PARD3B: variants seen among roughly 807,000 people sequenced by gnomAD.
PARD3B encodes the protein partitioning defective 3 homolog B.
A neutral mutation model predicts 130.2 loss-of-function variants in PARD3B; 103 were observed. The ratio of observed to expected loss-of-function variants is 0.79; its 90% CI spans 0.67 to 0.93. PARD3B has a LOEUF of 0.93. Ranked by LOEUF, PARD3B falls within the 40% of genes least tolerant of loss-of-function variation. PARD3B has a pLI of 0.00. For missense variants in PARD3B, 1,609 were observed against 1,499.2 expected, an observed-to-expected ratio of 1.07 and a Z score of -1.21; for synonymous variants, 583 against 553.2, an observed-to-expected ratio of 1.05 and a Z score of -0.76.
At chr2:205,375,803 G>C (rs569540483) in intron 18 of PARD3B, among the ~76,000 whole-genome samples, 1 of 152,202 alleles carries the variant, frequency 6.6e-6, no homozygotes, top group Non-Finnish European at 1.5e-5. Flanking sequence ...GACTAGAGGA[G>C]AGGTCTTATT....
At chr2:204,722,177 G>T (rs960878089) in intron 2 of PARD3B, among the ~76,000 whole-genome samples, 1 of 152,092 alleles carries the variant, frequency 6.6e-6, no homozygotes, top group African/African-American at 2.4e-5. Context: ...AAAAGAGATT[G>T]AAATAAACTT....
intron 18 of PARD3B, among the ~76,000 whole-genome samples, chr2:205,361,884 C>A (rs1341460464): frequency 6.6e-6 from 1 of 152,130 alleles, no homozygotes; most frequent in Admixed American, 6.5e-5. Flanking sequence ...CCCCACTCAT[C>A]TTCTCCACCC....
intron 11 of PARD3B, among the ~76,000 whole-genome samples, chr2:205,166,402 G>T (rs900498184): frequency 1.3e-5 from 2 of 152,122 alleles, no homozygotes; most frequent in African/African-American, 4.8e-5. Context: ...AAGAATATGG[G>T]CAAAGTCACC....
At chr2:205,501,556 A>G (rs1412044453) in intron 21 of PARD3B, among the ~76,000 whole-genome samples, 1 of 152,240 alleles carries the variant, frequency 6.6e-6, no homozygotes, top group Non-Finnish European at 1.5e-5. Flanking sequence ...CGATAAGCCA[A>G]ACAAGCAATA....
intron 21 of PARD3B, among the ~76,000 whole-genome samples, chr2:205,521,484 T>TAAAC (rs923553794): frequency 6.6e-6 from 1 of 152,060 alleles, no homozygotes. Context: ...TATTTTTGTG[T>TAAAC]AAACAAACCT....
At chr2:205,494,141 G>T (rs565387653) in intron 20 of PARD3B, among the ~76,000 whole-genome samples, 1 of 152,186 alleles carries the variant, frequency 6.6e-6, no homozygotes, top group Admixed American at 6.5e-5. Context: ...CTCACCAAAG[G>T]CCAACACCTC....
chr2:204,983,184 A>C (rs899505037), intron 3 of PARD3B, among the ~76,000 whole-genome samples: 3 of 152,090 alleles, frequency 2.0e-5, no homozygotes, highest in Non-Finnish European at 4.4e-5. Context: ...GGGTTGTCCA[A>C]CTGGTAATTG....
intron 2 of PARD3B, among the ~76,000 whole-genome samples, chr2:204,898,198 G>A (rs1300402080): frequency 6.7e-6 from 1 of 149,224 alleles, no homozygotes; most frequent in African/African-American, 2.5e-5. Flanking sequence ...TTTAATTTTT[G>A]TGGTTACATA....
chr2:204,916,125 T>G (rs1187384844), intron 2 of PARD3B, among the ~76,000 whole-genome samples: 1 of 152,210 alleles, frequency 6.6e-6, no homozygotes, highest in Non-Finnish European at 1.5e-5. Flanking sequence ...GAATAACTGT[T>G]GACAGGAAAG....
At chr2:205,474,783 A>T (rs1240836828) in intron 20 of PARD3B, among the ~76,000 whole-genome samples, 7 of 152,132 alleles carry the variant, frequency 4.6e-5, no homozygotes, top group Non-Finnish European at 7.4e-5. Context: ...ATTTCACCCC[A>T]TTCCTGACAA....
chr2:204,559,671 A>G (rs2031176350), intron 1 of PARD3B, among the ~76,000 whole-genome samples: 1 of 152,262 alleles, frequency 6.6e-6, no homozygotes, highest in South Asian at 2.1e-4. Context: ...CATTTGACCC[A>G]GCAGTCCCAT....
chr2:204,919,945 G>C (rs62179382), intron 2 of PARD3B, among the ~76,000 whole-genome samples: 8,446 of 151,018 alleles, frequency 0.056, 310 homozygotes, highest in Middle Eastern at 0.09. Context: ...TTTTCTAAAA[G>C]TCTTCCATTT....
intron 2 of PARD3B, among the ~76,000 whole-genome samples, chr2:204,942,663 C>G (rs1000644907): frequency 4.6e-5 from 7 of 151,514 alleles, no homozygotes; most frequent in Non-Finnish European, 1.0e-4. Flanking sequence ...ACACTTTGGT[C>G]ACCAGTGAAC....
At chr2:204,587,729 T>C (rs2032891065) in intron 1 of PARD3B, among the ~76,000 whole-genome samples, 1 of 152,144 alleles carries the variant, frequency 6.6e-6, no homozygotes, top group Admixed American at 6.5e-5. Flanking sequence ...ATGATTTGGC[T>C]GTGTCCCCAC....
At chr2:205,130,926 T>G (rs1301810578) in intron 10 of PARD3B, among the ~76,000 whole-genome samples, 1 of 152,200 alleles carries the variant, frequency 6.6e-6, no homozygotes, top group Non-Finnish European at 1.5e-5. Flanking sequence ...GTTGCTGAGC[T>G]TAGTGTAGTC....
intron 20 of PARD3B, among the ~76,000 whole-genome samples, chr2:205,485,808 C>A (rs1464748382): frequency 6.6e-6 from 1 of 152,162 alleles, no homozygotes; most frequent in Non-Finnish European, 1.5e-5. Flanking sequence ...TTCCAGCTGG[C>A]ATGCCCAGCC....
At chr2:205,016,718 C>T (rs775112885) in intron 3 of PARD3B, among the ~76,000 whole-genome samples, 1 of 152,116 alleles carries the variant, frequency 6.6e-6, no homozygotes, top group Non-Finnish European at 1.5e-5. Context: ...TGTCTGACTT[C>T]TGTGTTTACT....
chr2:204,753,317 C>T (rs1559117157), intron 2 of PARD3B, among the ~76,000 whole-genome samples: 1 of 152,140 alleles, frequency 6.6e-6, no homozygotes, highest in African/African-American at 2.4e-5. Context: ...ATCCACATTA[C>T]AGCTAGGTGC....
intron 10 of PARD3B, among the ~76,000 whole-genome samples, chr2:205,140,381 G>T (rs1361788556): frequency 1.2e-4 from 18 of 146,522 alleles, no homozygotes; most frequent in Admixed American, 9.7e-4. Context: ...AGGTTTAATT[G>T]AAAGTGTGGT....
Sources: allele counts gnomAD v4.1 joint callset (sites outside exome capture counted in the v4.1 genomes callset), GRCh38; gene constraint gnomAD v4.1.1; transcripts MANE v1.5; gene names NCBI Gene and HGNC (gene_info 2026-07-23, HGNC 2026-07-21).